MYO10: variants seen among roughly 807,000 people sequenced by gnomAD.
The protein encoded by MYO10 is myosin X, also known as unconventional myosin-X.
In MYO10, 133 loss-of-function variants were observed where a neutral mutation model predicts 257.3. The ratio of observed to expected loss-of-function variants is 0.52; its 90% CI spans 0.45 to 0.60. The LOEUF is 0.60. MYO10 is among the 20% of genes least tolerant of loss of function. The pLI is 0.00. For missense variants in MYO10, 2,399 were observed against 2,635.7 expected (o/e 0.91, Z 1.97); for synonymous variants, 1,104 against 1,028.6 (o/e 1.07, Z -1.40).
chr5:16,721,190 G>A (rs1229942942), intron 19 of MYO10, among the ~76,000 whole-genome samples: 1 of 152,054 alleles, frequency 6.6e-6, no homozygotes, highest in African/African-American at 2.4e-5. Context: ...TACTAAGAAA[G>A]CCTCACAACA....
chr5:16,833,306 C>A (rs1743212982), intron 2 of MYO10, among the ~76,000 whole-genome samples: 1 of 151,828 alleles, frequency 6.6e-6, no homozygotes, highest in Non-Finnish European at 1.5e-5. Flanking sequence ...CTCCGCCTCC[C>A]AGGCTCAAAT....
intron 2 of MYO10, among the ~76,000 whole-genome samples, chr5:16,823,153 C>G (rs79869080): frequency 0.025 from 3,763 of 150,762 alleles, 163 homozygotes; most frequent in African/African-American, 0.087. Flanking sequence ...TAAAGAATGG[C>G]ATTACTGGCT....
chr5:16,864,441 A>G (rs986283589), intron 2 of MYO10, among the ~76,000 whole-genome samples: 1 of 152,108 alleles, frequency 6.6e-6, no homozygotes, highest in African/African-American at 2.4e-5. Flanking sequence ...TGGCTCTTTG[A>G]AAGGGGGCCT....
chr5:16,835,039 G>T lies in MYO10; in HGVS notation c.121-16872C>A, dbSNP rs1014397608. 4.9e-4 allele frequency among the ~76,000 whole-genome samples: 75 copies of T among 152,072 alleles called. 1 individual carries two copies. Among genetic ancestry groups the T allele is most frequent in the African/African-American group, 1.8e-3 (75 of 41,508 alleles). ...CAATACAAAAATTAGGCGGGCCACC[G>T]TGGTGGCACACGCCTGTACCCCAGC... On this transcript the variant is annotated intron_variant, in intron 2 of 40. Transcript: ENST00000513610.
chr5:16,885,201 T>C (rs1202153944), intron 1 of MYO10, among the ~76,000 whole-genome samples: 2 of 151,972 alleles, frequency 1.3e-5, no homozygotes, highest in South Asian at 2.1e-4. Flanking sequence ...GCTTTTTTTT[T>C]TTTTTAAGGG....
chr5:16,908,339 C>T (rs1561053297), intron 1 of MYO10, among the ~76,000 whole-genome samples: 2 of 152,024 alleles, frequency 1.3e-5, no homozygotes, highest in Non-Finnish European at 2.9e-5. Context: ...AGCAGCCTGG[C>T]CAATATGGTG....
At position 16,701,735 on chromosome 5, in the gene MYO10, A is replaced by G. The variant is rs1738089504; in HGVS notation, c.2660T>C (p.Val887Ala). ...TTTCTCCAGACGGAGGATCTCTTCC[A>G]CCTGCTTATTTTCCTTCTGTTTCTC... ...ELEKQKENKQ[V>A]EEILRLEKEI... is the part of the protein sequence containing the mutation. The change falls in exon 25 of 41, where the codon GTG becomes GCG. Residue 887 changes from valine to alanine, a missense_variant. Coordinates refer to ENST00000513610, the MANE Select transcript of MYO10 (RefSeq NM_012334.3). The surrounding 1 kb of genome is among the most constrained non-coding windows in gnomAD (Gnocchi z 8.1). 2 of 1,613,862 alleles carry G rather than the reference A, an allele frequency of 1.2e-6. No individual in the cohort carries two copies. Among genetic ancestry groups the G allele is most frequent in the South Asian group, 2.2e-5 (2 of 91,070 alleles).
At chr5:16,874,451 T>A (rs923273440) in intron 2 of MYO10, among the ~76,000 whole-genome samples, 2 of 146,126 alleles carry the variant, frequency 1.4e-5, no homozygotes, top group Non-Finnish European at 3.0e-5. Flanking sequence ...AGCCCCCACA[T>A]CACCTCTTGA....
chr5:16,775,189 T>C (rs1741179015), intron 9 of MYO10, among the ~76,000 whole-genome samples: 1 of 152,212 alleles, frequency 6.6e-6, no homozygotes, highest in Non-Finnish European at 1.5e-5. Context: ...AGGGGCAATT[T>C]GAAGGGCTGT....
chr5:16,765,711 AG>A (rs1003202059), intron 11 of MYO10, among the ~76,000 whole-genome samples: 21 of 152,186 alleles, frequency 1.4e-4, no homozygotes, highest in African/African-American at 4.8e-4. Context: ...TTCTTATAAG[AG>A]TCCTATGAAT....
chr5:16,777,839 C>CCTTTTTTTTTTTTTTTTTTTTTTTTTT (rs1560979466), intron 9 of MYO10, among the ~76,000 whole-genome samples: 1 of 88,482 alleles, frequency 1.1e-5, no homozygotes, highest in African/African-American at 5.4e-5. Context: ...TTGCATCTAA[C>CCTTTTTTTTTTTTTTTTTTTTTTTTTT]TTTTTTTTTT....
Position 16,766,119 on chromosome 5 carries a change from G to A in MYO10, c.1140C>T (p.Leu380=). 1.2e-6 allele frequency: 2 copies of A among 1,613,774 alleles called. No homozygotes were observed. Among genetic ancestry groups the A allele is most frequent in the Non-Finnish European group, 1.7e-6 (2 of 1,179,680 alleles). ...TDALTQRSMF[L]RGEEILTPLN... ...GAGGCGTGAGGATCTCTTCTCCCCT[G>A]AGGAACATTGATCTCTGGGTCAAAG... is the stretch of plus-strand genomic sequence containing the variant. The change falls in exon 11 of 41, where the codon CTC becomes CTT. Residue 380 remains leucine, a synonymous_variant. Coordinates refer to ENST00000513610, the MANE Select transcript of MYO10 (RefSeq NM_012334.3).
chr5:16,791,624 C>CAAATGAT (rs1741762075), intron 4 of MYO10, among the ~76,000 whole-genome samples: 1 of 151,880 alleles, frequency 6.6e-6, no homozygotes, highest in African/African-American at 2.4e-5. Flanking sequence ...CTCTGTCTAG[C>CAAATGAT]AAATGATATA....
chr5:16,733,454 A>G (rs1739665876), intron 19 of MYO10, among the ~76,000 whole-genome samples: 1 of 152,178 alleles, frequency 6.6e-6, no homozygotes, highest in East Asian at 1.9e-4. Context: ...GAAGAAAAAA[A>G]AAGTCACATG....
At chr5:16,714,864 C>G (rs1033758795) in intron 19 of MYO10, among the ~76,000 whole-genome samples, 3 of 152,056 alleles carry the variant, frequency 2.0e-5, no homozygotes, top group Admixed American at 6.5e-5. Flanking sequence ...GCGATGGTTA[C>G]TGGGTACAAA....
rs377249883 is a variant in MYO10 at position 16,794,885 on chromosome 5, G to A, written c.280-52C>T. 3 of 1,325,836 alleles carry A rather than the reference G, an allele frequency of 2.3e-6. No individual in the cohort carries two copies. In the African/African-American group the frequency reaches 4.6e-5, roughly 20 times the overall value. The allele number at this position is 1,325,836 out of a possible 1,614,324, so 82.1% of individuals were successfully genotyped here. On this transcript the variant is annotated intron_variant, in intron 3 of 40. Transcript: ENST00000513610. Reference sequence around the variant, plus strand: ...GCGTCACTTCTAACCCAGGCCACTGGATGAGCTCCAACAAAACCCACCGAG... The same window carrying A: ...GCGTCACTTCTAACCCAGGCCACTGAATGAGCTCCAACAAAACCCACCGAG...
intron 2 of MYO10, among the ~76,000 whole-genome samples, chr5:16,847,423 CAA>C (rs34084990): frequency 0.051 from 6,827 of 134,242 alleles, 427 homozygotes; most frequent in African/African-American, 0.16. Context: ...GACTCCACCT[CAA>C]AAAAAAAAAA....
intron 33 of MYO10, among the ~76,000 whole-genome samples, chr5:16,678,606 G>T (rs1466340944): frequency 6.6e-6 from 1 of 152,026 alleles, no homozygotes; most frequent in Non-Finnish European, 1.5e-5. Flanking sequence ...AAAAACAACT[G>T]GCTTGCCAGA....
chr5:16,892,125 C>T (rs1204963309), intron 1 of MYO10, among the ~76,000 whole-genome samples: 1 of 151,548 alleles, frequency 6.6e-6, no homozygotes, highest in Non-Finnish European at 1.5e-5. Context: ...AACCATGCTA[C>T]CAAGAGAGAG....
Sources: gnomAD v4.1 joint callset for allele counts (sites outside exome capture counted in the v4.1 genomes callset) on GRCh38, gnomAD v4.1.1 for gene constraint, Gnocchi (gnomAD v3.1) non-coding constraint, MANE v1.5 for transcripts, NCBI Gene and HGNC (gene_info 2026-07-23, HGNC 2026-07-21) for gene names.